Variants in PRR5 observed in about 807,000 individuals in gnomAD.
PRR5 encodes proline-rich protein 5.
PRR5 carries 25 observed loss-of-function variants against 30.6 expected under a neutral mutation model. That is an observed-to-expected ratio of 0.82 (90% CI 0.60 to 1.14). The LOEUF is 1.14. Among genes scored for constraint, PRR5 ranks in the 50% most tolerant of loss-of-function variants. The pLI, the probability that PRR5 is intolerant of heterozygous loss-of-function variation, is 0.00. For missense variants in PRR5, 600 were observed against 547.1 expected (o/e 1.10, Z -0.96); for synonymous variants, 286 against 247.1 (o/e 1.16, Z -1.48).
upstream of PRR5, among the ~76,000 whole-genome samples, chr22:44,698,760 A>G (rs1379074801): frequency 1.3e-5 from 2 of 152,186 alleles, no homozygotes; most frequent in Non-Finnish European, 2.9e-5. Context: ...AAAATGTTGT[A>G]AGATGTTGGC....
chr22:44,683,405 T>C (rs1924462389), intron 1 of PRR5, among the ~76,000 whole-genome samples: 1 of 152,230 alleles, frequency 6.6e-6, no homozygotes, highest in African/African-American at 2.4e-5. Flanking sequence ...CTTCTTGCCT[T>C]GGCCCCCACC....
chr22:44,675,026 A>C (rs1407067727), upstream of PRR5, among the ~76,000 whole-genome samples: 3 of 150,148 alleles, frequency 2.0e-5, no homozygotes, highest in Non-Finnish European at 1.5e-5. Context: ...AGGCGGGTGG[A>C]TCACGAGATC....
chr22:44,710,714 G>C (rs1054280216), intron 1 of PRR5, among the ~76,000 whole-genome samples: 1 of 150,580 alleles, frequency 6.6e-6, no homozygotes, highest in African/African-American at 2.5e-5. Flanking sequence ...TCCTGGGTGT[G>C]GGGGAGGGGC....
chr22:44,714,061 C>T (rs923485849), intron 1 of PRR5, among the ~76,000 whole-genome samples: 1 of 152,182 alleles, frequency 6.6e-6, no homozygotes, highest in African/African-American at 2.4e-5. Flanking sequence ...CCTTGGCCTC[C>T]CAAAACACTG....
At chr22:44,711,117 T>G (rs1928159352) in intron 1 of PRR5, among the ~76,000 whole-genome samples, 1 of 152,116 alleles carries the variant, frequency 6.6e-6, no homozygotes, top group African/African-American at 2.4e-5. Context: ...GGCTCAGGCC[T>G]CCACGGAGGG....
chr22:44,672,203 G>A (rs769357098), upstream of PRR5, among the ~76,000 whole-genome samples: 1 of 152,210 alleles, frequency 6.6e-6, no homozygotes, highest in Non-Finnish European at 1.5e-5. Context: ...AGAGGAGTAG[G>A]GAGAGAGATG....
At chr22:44,673,575 A>G (rs1181009951), upstream of PRR5, among the ~76,000 whole-genome samples, 2 of 152,126 alleles carry the variant, frequency 1.3e-5, no homozygotes, top group African/African-American at 2.4e-5. Flanking sequence ...ATTTAGACGA[A>G]CAGAAAGCCA....
At chr22:44,735,194 A>T (rs1164799981) in intron 7 of PRR5, 32 bp downstream of exon 7, 1 of 1,598,054 alleles carries the variant, frequency 6.3e-7, no homozygotes, top group East Asian at 2.3e-5. Context: ...GGGCTGGGGC[A>T]GGGGTGACCA....
upstream of PRR5, among the ~76,000 whole-genome samples, chr22:44,675,896 T>C (rs900019291): frequency 6.6e-5 from 10 of 151,830 alleles, no homozygotes; most frequent in African/African-American, 2.4e-4. Context: ...TCAGTCATGT[T>C]TATGATTTGA....
At chr22:44,726,969 G>A (rs1920976680) in intron 4 of PRR5, among the ~76,000 whole-genome samples, 1 of 152,142 alleles carries the variant, frequency 6.6e-6, no homozygotes, top group South Asian at 2.1e-4. Flanking sequence ...CTGGTCTTTG[G>A]GGGTCAGAGG....
At chr22:44,729,177 C>T in intron 4 of PRR5, 1 of 514,302 alleles carries the variant, frequency 1.9e-6, no homozygotes, top group Non-Finnish European at 2.5e-6. Context: ...ACGCTTGCCT[C>T]CATGCCTGTG....
At chr22:44,722,735 C>A (rs1224546036) in intron 2 of PRR5, among the ~76,000 whole-genome samples, 2 of 152,202 alleles carry the variant, frequency 1.3e-5, no homozygotes, top group African/African-American at 4.8e-5. Flanking sequence ...AGAGAGCTGA[C>A]CGGAGCAGGA....
At chr22:44,670,975 G>GTCAT (rs995660407) in intron 1 of PRR5, among the ~76,000 whole-genome samples, 1 of 152,182 alleles carries the variant, frequency 6.6e-6, no homozygotes, top group African/African-American at 2.4e-5. Flanking sequence ...GAGGAGGGGA[G>GTCAT]TCATTCATTC....
At chr22:44,686,288 A>C (rs28460735) in intron 1 of PRR5, among the ~76,000 whole-genome samples, 11,171 of 151,840 alleles carry the variant, frequency 0.074, 626 homozygotes, top group East Asian at 0.27. Flanking sequence ...CCTATTGGGC[A>C]CCTGGCTTTC....
intron 1 of PRR5, among the ~76,000 whole-genome samples, chr22:44,678,767 C>T (rs1267563935): frequency 6.6e-6 from 1 of 152,212 alleles, no homozygotes; most frequent in African/African-American, 2.4e-5. Flanking sequence ...GCTTGTCATA[C>T]AGAGCTTCTC....
intron 7 of PRR5, 74 bp from the exon 8 acceptor site, chr22:44,736,698 A>G: frequency 6.7e-7 from 1 of 1,502,214 alleles, no homozygotes; most frequent in Non-Finnish European, 8.9e-7. Context: ...CCCAGTGTGC[A>G]GTGAGCAGCA....
upstream of PRR5, among the ~76,000 whole-genome samples, chr22:44,699,392 C>T (rs141044722): frequency 9.6e-4 from 146 of 152,366 alleles, no homozygotes; most frequent in Middle Eastern, 0.014. Context: ...AGCCAGCCTC[C>T]GGCGTGGGAA....
chr22:44,699,933 TG>T (rs1205145339), upstream of PRR5, among the ~76,000 whole-genome samples: 3,238 of 18,654 alleles, frequency 0.17, 122 homozygotes, highest in African/African-American at 0.3. Context: ...TTGTTGTTTT[TG>T]TTTTTTTTTT....
chr22:44,737,488 C>T lies in PRR5; in HGVS notation c.*241C>T, dbSNP rs957616542. The T allele has an allele frequency of 3.3e-5, 25 of 750,944 alleles. No homozygotes were observed. Among genetic ancestry groups the T allele is most frequent in the African/African-American group, 7.0e-5 (4 of 57,126 alleles). 46.5% of individuals were successfully genotyped at this position (750,944 alleles called of 1,614,324 possible). A position where few individuals can be genotyped will look rare whatever the true frequency, so the allele number is the denominator to read the frequency against. ...GTTTACCCAGGGGCCGGGCCAGAGA[C>T]GGGGGTCGGCCGCTCGCTCCCACGC... On this transcript the variant is annotated 3_prime_UTR_variant, in exon 8 of 8. Coordinates refer to ENST00000336985, the MANE Select transcript of PRR5 (RefSeq NM_181333.4).
Sources: allele counts gnomAD v4.1 joint callset (sites outside exome capture counted in the v4.1 genomes callset), GRCh38; gene constraint gnomAD v4.1.1; transcripts MANE v1.5; gene names NCBI Gene and HGNC (gene_info 2026-07-23, HGNC 2026-07-21).